RAG1: variants seen among roughly 807,000 people sequenced by gnomAD.
RAG1 encodes the protein recombination activating 1.
A neutral mutation model predicts 62.7 loss-of-function variants in RAG1; 35 were observed. The observed-to-expected ratio is 0.56, with a 90% CI of 0.43 to 0.74. The LOEUF (loss-of-function observed/expected upper bound fraction) is 0.74, where lower values mean the gene tolerates loss of function less well. Among genes scored for constraint, RAG1 ranks in the 30% least tolerant of loss-of-function variants. The probability of loss-of-function intolerance (pLI) is 0.00; values close to 1 mark genes in which losing one functional copy is unlikely to be tolerated. For missense variants in RAG1, 1,169 were observed against 1,278.6 expected, an observed-to-expected ratio of 0.91 and a Z score of 1.31; for synonymous variants, 461 against 470.3, an observed-to-expected ratio of 0.98 and a Z score of 0.26.
chr11:36,558,439 C>G (rs1307794612), intron 3 of RAG1, among the ~76,000 whole-genome samples: 1 of 152,176 alleles, frequency 6.6e-6, no homozygotes, highest in African/African-American at 2.4e-5. Context: ...CTTTACATAT[C>G]TGAGTTCTCT....
intron 1 of RAG1, among the ~76,000 whole-genome samples, chr11:36,519,645 G>T (rs1860047619): frequency 6.6e-6 from 1 of 152,144 alleles, no homozygotes; most frequent in Admixed American, 6.5e-5. Context: ...AAGGGAAATT[G>T]GTAGGCCAAA....
At chr11:36,563,917 C>T (rs1443611151), upstream of RAG1, among the ~76,000 whole-genome samples, 2 of 152,126 alleles carry the variant, frequency 1.3e-5, no homozygotes, top group African/African-American at 4.8e-5. Flanking sequence ...AAAGCTTATT[C>T]CCCAAACCTG....
At chr11:36,536,251 T>C (rs980330761), downstream of RAG1, among the ~76,000 whole-genome samples, 1 of 152,156 alleles carries the variant, frequency 6.6e-6, no homozygotes, top group Non-Finnish European at 1.5e-5. Flanking sequence ...CACTGTAAAA[T>C]GCTTAAGTAA....
intron 2 of RAG1, among the ~76,000 whole-genome samples, chr11:36,526,239 C>T (rs965068771): frequency 8.1e-6 from 1 of 123,260 alleles, no homozygotes; most frequent in African/African-American, 3.0e-5. Flanking sequence ...CCCCCCTCCC[C>T]CCACCCCCGA....
chr11:36,539,005 C>T (rs541526537), downstream of RAG1, among the ~76,000 whole-genome samples: 5 of 152,246 alleles, frequency 3.3e-5, no homozygotes, highest in South Asian at 4.2e-4. Flanking sequence ...GCAATTTTCT[C>T]TGCAAAAATT....
At chr11:36,551,885 C>G (rs1850492511) in intron 3 of RAG1, among the ~76,000 whole-genome samples, 2 of 142,286 alleles carry the variant, frequency 1.4e-5, no homozygotes, top group Non-Finnish European at 3.0e-5. Context: ...CGATAGTTTA[C>G]TGAGAATGAT....
At chr11:36,530,138 T>G (rs979093844) in intron 2 of RAG1, among the ~76,000 whole-genome samples, 1 of 152,060 alleles carries the variant, frequency 6.6e-6, no homozygotes, top group Non-Finnish European at 1.5e-5. Context: ...CTTATTTTGC[T>G]TTTTAAATCT....
chr11:36,517,882 C>T (rs1224055479), intron 1 of RAG1, among the ~76,000 whole-genome samples: 1 of 151,996 alleles, frequency 6.6e-6, no homozygotes, highest in Non-Finnish European at 1.5e-5. Flanking sequence ...TACATGTGCA[C>T]AACGTGCAGG....
chr11:36,567,286 A>C (rs544386293), upstream of RAG1: 1 of 152,180 alleles, frequency 6.6e-6, no homozygotes, highest in Non-Finnish European at 1.5e-5. Flanking sequence ...TGAAAATTAA[A>C]TGACACATAA....
chr11:36,538,911 A>G (rs545816750), downstream of RAG1, among the ~76,000 whole-genome samples: 2 of 152,278 alleles, frequency 1.3e-5, no homozygotes, highest in Non-Finnish European at 2.9e-5. Context: ...TCGCTCAGGA[A>G]GAGGCCTCAA....
At chr11:36,564,872 C>T (rs994739204), upstream of RAG1, among the ~76,000 whole-genome samples, 5 of 152,106 alleles carry the variant, frequency 3.3e-5, no homozygotes, top group African/African-American at 1.2e-4. Context: ...GTTTCTTTAC[C>T]GTCTAAGATG....
At position 36,575,444 on chromosome 11, in the gene RAG1, C is replaced by A. The variant is rs1590703656; in HGVS notation, c.2140C>A (p.Leu714Ile). 1 of 1,614,152 alleles carries A rather than the reference C, an allele frequency of 6.2e-7. No homozygotes were observed. Among genetic ancestry groups the A allele is most frequent in the Non-Finnish European group, 8.5e-7 (1 of 1,180,012 alleles). ...IFRGTGYDEK[L>I]VREVEGLEAS... ...CAGGGGCACCGGCTATGATGAAAAA[C>A]TTGTGCGGGAAGTGGAAGGCCTCGA... Residue 714 changes from leucine to isoleucine, a missense_variant, in exon 2 of 2, where the codon CTT becomes ATT. Physicochemically the swap from Leu to Ile is conservative, Grantham distance 5 (BLOSUM62 2). This residue lies in a region of RAG1 where 800 missense variants were observed against 943.3 expected (regional missense o/e 0.85). Coordinates refer to ENST00000299440, the MANE Select transcript of RAG1 (RefSeq NM_000448.3). The surrounding 1 kb of genome is among the most constrained non-coding windows in gnomAD (Gnocchi z 4.1).
intron 1 of RAG1, among the ~76,000 whole-genome samples, chr11:36,571,625 T>C (rs1850746398): frequency 6.6e-6 from 1 of 152,180 alleles, no homozygotes; most frequent in African/African-American, 2.4e-5. Context: ...GCCCATTTCT[T>C]TGTTTTTGAG....
rs1248277448 is a variant in RAG1 at position 36,579,566 on chromosome 11, A to G, written c.*3130A>G. On this transcript the variant is annotated 3_prime_UTR_variant, in exon 2 of 2. Coordinates refer to ENST00000299440, the MANE Select transcript of RAG1 (RefSeq NM_000448.3). ...AGAGCCTTTTTTTTTTTTGTATTTC[A>G]GAGAAAATTCAGGTACCAGGATGCA... 1 of 165,104 alleles carries G rather than the reference A, an allele frequency of 6.1e-6. No homozygotes were observed. The highest frequency in any genetic ancestry group is 1.5e-5 in the Non-Finnish European group (1 of 67,764). The allele number at this position is 165,104 out of a possible 1,614,324, so 10.2% of individuals were successfully genotyped here.
At chr11:36,543,709 T>C (rs1389171627) in intron 3 of RAG1, among the ~76,000 whole-genome samples, 2 of 152,202 alleles carry the variant, frequency 1.3e-5, no homozygotes, top group Non-Finnish European at 2.9e-5. Flanking sequence ...TTAGTCCAGA[T>C]TTATTATTTA....
chr11:36,551,350 A>T (rs1466705552), intron 3 of RAG1, among the ~76,000 whole-genome samples: 1 of 152,134 alleles, frequency 6.6e-6, no homozygotes, highest in African/African-American at 2.4e-5. Context: ...ATAACAAAGT[A>T]TCATAGAGTA....
Position 36,575,328 on chromosome 11 carries a change from T to A in RAG1, c.2024T>A (p.Leu675Gln). 1.2e-6 allele frequency: 2 copies of A among 1,614,158 alleles called. No homozygotes were observed. Among genetic ancestry groups the A allele is most frequent in the Non-Finnish European group, 1.7e-6 (2 of 1,180,032 alleles). Residue 675 changes from leucine to glutamine, a missense_variant, in exon 2 of 2, where the codon CTG becomes CAG. Around this residue, in one of 2 missense-constraint regions of RAG1, gnomAD observed 800 missense variants for 943.3 expected, o/e 0.85. Coordinates refer to ENST00000299440, the MANE Select transcript of RAG1 (RefSeq NM_000448.3). This position sits in a 1 kb window ranked among gnomAD's most constrained non-coding sequence, Gnocchi z 4.1. ...GACCACGAGACGCTGACTGCCATCC[T>A]GAGTCCTCTCATTGCTGAGAGGGAG... ...ESDHETLTAI[L>Q]SPLIAEREAM... is the part of the protein sequence containing the mutation.
In RAG1 at chr11:36,575,645, G is replaced by T; in HGVS notation, c.2341G>T (p.Gly781Trp). 6.2e-7 allele frequency: 1 copy of T among 1,614,196 alleles called. No homozygotes were observed. Among genetic ancestry groups the T allele is most frequent in the Non-Finnish European group, 8.5e-7 (1 of 1,180,032 alleles). ...SVEELRDRVK[G>W]VSAKPFIETV... ...GGAAGAACTGCGGGATCGGGTGAAA[G>T]GGGTCTCAGCTAAACCTTTCATTGA... Residue 781 changes from glycine (G) to tryptophan (W), a missense_variant, in exon 2 of 2, where the codon GGG becomes TGG. Gly to Trp is a radical substitution (Grantham distance 184). Transcript: ENST00000299440. This position sits in a 1 kb window ranked among gnomAD's most constrained non-coding sequence, Gnocchi z 4.1.
Position 36,575,888 on chromosome 11 carries a change from A to T in RAG1, c.2584A>T (p.Thr862Ser). 1 of 1,614,158 alleles carries T rather than the reference A, an allele frequency of 6.2e-7. No individual in the cohort carries two copies. Among genetic ancestry groups the T allele is most frequent in the South Asian group, 1.1e-5 (1 of 91,082 alleles). Residue 862 changes from threonine (T) to serine (S), a missense_variant, in exon 2 of 2, where the codon ACC becomes TCC. Transcript: ENST00000299440. This position sits in a 1 kb window ranked among gnomAD's most constrained non-coding sequence, Gnocchi z 4.1. ...MNGNFARKLMTKETVDAVCEL... is the reference protein window; with the variant it reads ...MNGNFARKLMSKETVDAVCEL... ...TGGCAACTTTGCCAGGAAGCTCATGACCAAAGAGACTGTGGATGCAGTTTG... is the reference window on the plus strand; with the variant it reads ...TGGCAACTTTGCCAGGAAGCTCATGTCCAAAGAGACTGTGGATGCAGTTTG...
Sources: gnomAD v4.1 joint callset for allele counts (sites outside exome capture counted in the v4.1 genomes callset) on GRCh38, gnomAD v4.1.1 for gene constraint, gnomAD v4.1.1 regional missense constraint, Gnocchi (gnomAD v3.1) non-coding constraint, MANE v1.5 for transcripts, NCBI Gene and HGNC (gene_info 2026-07-23, HGNC 2026-07-21) for gene names.